SNRNP200: variants seen among roughly 807,000 people sequenced by gnomAD.
SNRNP200 encodes small nuclear ribonucleoprotein U5 subunit 200, also known as U5 small nuclear ribonucleoprotein 200 kDa helicase.
In SNRNP200, 66 loss-of-function variants were observed where a neutral mutation model predicts 255.2. That is an observed-to-expected ratio of 0.26 (90% CI 0.21 to 0.32). SNRNP200 has a LOEUF of 0.32. Among genes scored for constraint, SNRNP200 ranks in the 10% least tolerant of loss-of-function variants. The probability of loss-of-function intolerance (pLI) is 1.00; values close to 1 mark genes in which losing one functional copy is unlikely to be tolerated. For synonymous variants in SNRNP200, 939 were observed against 1,027.8 expected (o/e 0.91, Z 1.65); for missense variants, 1,585 against 2,749.8 (o/e 0.58, Z 9.47).
At chr2:96,301,475 G>A in intron 4 of SNRNP200, 49 bp downstream of exon 4, 1 of 1,566,222 alleles carries the variant, frequency 6.4e-7, no homozygotes, top group Non-Finnish European at 8.8e-7. Flanking sequence ...CATGTTTAGG[G>A]GTCAACAACA....
Position 96,287,644 on chromosome 2 carries a change from G to T in SNRNP200, c.3366-87C>A. 1 of 1,072,902 alleles carries T rather than the reference G, an allele frequency of 9.3e-7. No individual in the cohort carries two copies. Among genetic ancestry groups the T allele is most frequent in the South Asian group, 1.2e-5 (1 of 80,036 alleles). The allele number at this position is 1,072,902 out of a possible 1,614,324, so 66.5% of individuals were successfully genotyped here. ...TCATGGCTTCCAATAGTTTAGCAGT[G>T]ACTACACAAAACACAGTCATTAAAG... On this transcript the variant is annotated intron_variant, in intron 25 of 44. Transcript: ENST00000323853. This position sits in a 1 kb window ranked among gnomAD's most constrained non-coding sequence, Gnocchi z 5.7.
rs757008306 is a variant in SNRNP200 at position 96,289,037 on chromosome 2, C to T, written c.3174G>A (p.Lys1058=). 6 of 1,609,294 alleles carry T rather than the reference C, an allele frequency of 3.7e-6. No homozygotes were observed. The highest frequency in any genetic ancestry group is 2.2e-5 in the East Asian group (1 of 44,844). ...CAAAGCAAAGAGGAGAGGAGCTCAC[C>T]TTAGCACTGGGTTCCTCAATGCTCT... is the stretch of plus-strand genomic sequence containing the variant. ...VKESIEEPSA[K]INVLLQAFIS... is the part of the protein sequence containing the mutation. The change falls in exon 23 of 45, where the codon AAG becomes AAA. Residue 1058 remains lysine, a splice_region_variant and synonymous_variant. Coordinates refer to ENST00000323853, the MANE Select transcript of SNRNP200 (RefSeq NM_014014.5).
At position 96,286,937 on chromosome 2, in the gene SNRNP200, C is replaced by T; in HGVS notation, c.3640-60G>A. On this transcript the variant is annotated intron_variant, in intron 27 of 44. Coordinates refer to ENST00000323853, the MANE Select transcript of SNRNP200 (RefSeq NM_014014.5). This position sits in a 1 kb window ranked among gnomAD's most constrained non-coding sequence, Gnocchi z 4.8. Reference sequence around the variant, plus strand: ...TCAACGTAGACTGAGTGCCTCCAATCCATCTCCTCGGCCCAGCAACGTAGA... The same window carrying T: ...TCAACGTAGACTGAGTGCCTCCAATTCATCTCCTCGGCCCAGCAACGTAGA... The T allele has an allele frequency of 6.2e-7, 1 of 1,613,850 alleles. No homozygotes were observed. Among genetic ancestry groups the T allele is most frequent in the Non-Finnish European group, 8.5e-7 (1 of 1,179,742 alleles).
chr2:96,305,250 A>G (rs2063980221), intron 1 of SNRNP200, 143 bp downstream of exon 1: 2 of 1,121,700 alleles, frequency 1.8e-6, no homozygotes, highest in Non-Finnish European at 2.7e-6. Flanking sequence ...ACGTCATCGT[A>G]TAACCCCCAC....
chr2:96,305,528 G>C lies in SNRNP200; in HGVS notation c.-91C>G. On this transcript the variant is annotated 5_prime_UTR_variant, in exon 1 of 45. Transcript: ENST00000323853. ...ATCTCTGCTCCCGCCGCGCCGGAAC[G>C]ACGCAGGAAAGACGCACTGGGGAAG... 1 of 1,569,746 alleles carries C rather than the reference G, an allele frequency of 6.4e-7. No individual in the cohort carries two copies. Among genetic ancestry groups the C allele is most frequent in the Non-Finnish European group, 8.7e-7 (1 of 1,145,274 alleles).
chr2:96,305,233 G>A (rs1414456006), intron 1 of SNRNP200, among the ~76,000 whole-genome samples, 160 bp downstream of exon 1: 2 of 152,090 alleles, frequency 1.3e-5, no homozygotes, highest in Admixed American at 6.5e-5. Context: ...ACCCCAGTAG[G>A]TTATTCACGT....
In SNRNP200 at chr2:96,287,347, CTAA is replaced by C; in HGVS notation, c.3484+89_3484+91del. 1 of 1,181,060 alleles carries C rather than the reference CTAA, an allele frequency of 8.5e-7. No homozygotes were observed. Among genetic ancestry groups the C allele is most frequent in the Non-Finnish European group, 1.3e-6 (1 of 785,258 alleles). 73.2% of individuals were successfully genotyped at this position (1,181,060 alleles called of 1,614,324 possible). A position where few individuals can be genotyped will look rare whatever the true frequency, so the allele number is the denominator to read the frequency against. Reference sequence around the variant, plus strand: ...GGACTTGGGGAGTGAACACAGGATACTAATGCACAGGCCTAGGAACAGGAAGAC... The same window carrying C: ...GGACTTGGGGAGTGAACACAGGATACTGCACAGGCCTAGGAACAGGAAGAC... On this transcript the variant is annotated intron_variant, in intron 26 of 44. Coordinates refer to ENST00000323853, the MANE Select transcript of SNRNP200 (RefSeq NM_014014.5). The surrounding 1 kb of genome is among the most constrained non-coding windows in gnomAD (Gnocchi z 5.7).
In SNRNP200 at chr2:96,274,992, A is replaced by T; in HGVS notation, c.*20T>A. On this transcript the variant is annotated 3_prime_UTR_variant, in exon 45 of 45. Coordinates refer to ENST00000323853, the MANE Select transcript of SNRNP200 (RefSeq NM_014014.5). ...ATTCAGGCTCAACTCTCCTTTACCCAAAAGTAAATGCCTCAGGACTCAATC... is the reference window on the plus strand; with the variant it reads ...ATTCAGGCTCAACTCTCCTTTACCCTAAAGTAAATGCCTCAGGACTCAATC... The T allele has an allele frequency of 6.2e-7, 1 of 1,613,210 alleles. No individual in the cohort carries two copies. The highest frequency in any genetic ancestry group is 8.5e-7 in the Non-Finnish European group (1 of 1,179,866).
Position 96,289,834 on chromosome 2 carries a change from G to C in SNRNP200, c.2905C>G (p.Leu969Val). 6.2e-7 allele frequency: 1 copy of C among 1,614,170 alleles called. No homozygotes were observed. The highest frequency in any genetic ancestry group is 8.5e-7 in the Non-Finnish European group (1 of 1,180,046). The change falls in exon 21 of 45, where the codon CTG (leucine) becomes GTG (valine). Residue 969 changes from leucine to valine, a missense_variant. Transcript: ENST00000323853. ...TAALMLDKNN[L>V]VKYDKKTGNF... ...CCCGTCTTCTTGTCGTACTTGACCA[G>C]ATTGTTCTTGTCCAGCATCAGGGCA...
At chr2:96,294,132 C>CAA (rs149859993) in intron 14 of SNRNP200, among the ~76,000 whole-genome samples, 14 of 85,200 alleles carry the variant, frequency 1.6e-4, no homozygotes, top group East Asian at 3.9e-4. Context: ...TGCTCCATCT[C>CAA]AAAAAAAAAA....
intron 5 of SNRNP200, among the ~76,000 whole-genome samples, chr2:96,300,583 G>A (rs1174858750): frequency 6.6e-6 from 1 of 152,114 alleles, no homozygotes; most frequent in Non-Finnish European, 1.5e-5. Context: ...CTAACACGGT[G>A]AAACCCCGTC....
rs1033429357 is a variant in SNRNP200, at chr2:96,299,247, G to T, written c.729+82C>A. The T allele has an allele frequency of 9.3e-6, 12 of 1,296,876 alleles. No homozygotes were observed. In the African/African-American group the frequency reaches 1.5e-4, roughly 16 times the overall value. The allele number at this position is 1,296,876 out of a possible 1,614,324, so 80.3% of individuals were successfully genotyped here. ...TCCAGCAAAAAGTGGCTCAATAAAT[G>T]TAACAGGACCTAGGCATGGGGAAGA... On this transcript the variant is annotated intron_variant, in intron 6 of 44. Transcript: ENST00000323853.
chr2:96,299,217 T>G (rs2063937851), intron 6 of SNRNP200, 112 bp downstream of exon 6: 2 of 1,060,920 alleles, frequency 1.9e-6, no homozygotes, highest in Non-Finnish European at 2.9e-6. Flanking sequence ...TTTATTATAG[T>G]TCACTCCAGC....
chr2:96,290,012 C>A lies in SNRNP200; in HGVS notation c.2743-16G>T. The A allele has an allele frequency of 6.2e-7, 1 of 1,613,342 alleles. No individual in the cohort carries two copies. ...TCACCGCATCCTACAAGACACAGCTCATGGTTCTTAGCATGGAGAAACTCT... is the reference window on the plus strand; with the variant it reads ...TCACCGCATCCTACAAGACACAGCTAATGGTTCTTAGCATGGAGAAACTCT... On this transcript the variant is annotated splice_polypyrimidine_tract_variant and intron_variant, in intron 20 of 44. Transcript: ENST00000323853. The surrounding 1 kb of genome is among the most constrained non-coding windows in gnomAD (Gnocchi z 4.5).
intron 6 of SNRNP200, 53 bp downstream of exon 6, chr2:96,299,276 A>G: frequency 6.6e-7 from 1 of 1,513,190 alleles, no homozygotes; most frequent in Non-Finnish European, 9.2e-7. Context: ...GGGAAGAAGC[A>G]CTAACACCCA....
Position 96,290,112 on chromosome 2 carries a change from A to C in SNRNP200, c.2743-116T>G, listed in dbSNP as rs567043982. 4.7e-5 allele frequency: 50 copies of C among 1,070,570 alleles called. No individual in the cohort carries two copies. In the African/African-American group the frequency reaches 5.4e-4, roughly 12 times the overall value. The allele number at this position is 1,070,570 out of a possible 1,614,324, so 66.3% of individuals were successfully genotyped here. A position where few individuals can be genotyped will look rare whatever the true frequency, so the allele number is the denominator to read the frequency against. ...ACTACAAGGATGCATATTACATCGT[A>C]TTCTGAATGTTTTTAGCATTTCATT... On this transcript the variant is annotated intron_variant, in intron 20 of 44. Coordinates refer to ENST00000323853, the MANE Select transcript of SNRNP200 (RefSeq NM_014014.5). The surrounding 1 kb of genome is among the most constrained non-coding windows in gnomAD (Gnocchi z 4.5).
At chr2:96,280,848 CTTTTTTTTTTTTTT>C (rs985439781) in intron 35 of SNRNP200, among the ~76,000 whole-genome samples, 1 of 114,856 alleles carries the variant, frequency 8.7e-6, no homozygotes, top group African/African-American at 3.4e-5. Flanking sequence ...ACACCTGGCC[CTTTTTTTTTTTTTT>C]TTTTTTTTGA....
intron 3 of SNRNP200, 62 bp downstream of exon 3, chr2:96,303,097 A>C: frequency 1.3e-6 from 2 of 1,542,266 alleles, no homozygotes; most frequent in Non-Finnish European, 9.0e-7. Flanking sequence ...CAAGGATCTT[A>C]GAAGCTGTAT....
rs532549897 is a variant in SNRNP200, at chr2:96,277,465, C to G, written c.5931+74G>C. On this transcript the variant is annotated intron_variant, in intron 41 of 44. Transcript: ENST00000323853. This position sits in a 1 kb window ranked among gnomAD's most constrained non-coding sequence, Gnocchi z 4.4. ...GTTTAACTTACTGAGACTCACCTCC[C>G]GCAACCCACGCTCGGTCCACAACAC... The G allele has an allele frequency of 2.5e-6, 4 of 1,573,036 alleles. No homozygotes were observed. The highest frequency in any genetic ancestry group is 3.5e-6 in the Non-Finnish European group (4 of 1,145,624).
Sources: allele counts gnomAD v4.1 joint callset (sites outside exome capture counted in the v4.1 genomes callset), GRCh38; gene constraint gnomAD v4.1.1; non-coding constraint Gnocchi (gnomAD v3.1); transcripts MANE v1.5; gene names NCBI Gene and HGNC (gene_info 2026-07-23, HGNC 2026-07-21).